The following MRC1 variants were observed in gnomAD, a reference collection of about 807,000 sequenced individuals.
MRC1 encodes the protein macrophage mannose receptor 1.
In MRC1, 62 loss-of-function variants were observed where a neutral mutation model predicts 102.9. The observed-to-expected ratio is 0.60, with a 90% CI of 0.49 to 0.74. The LOEUF (loss-of-function observed/expected upper bound fraction) is 0.74. MRC1 is among the 30% of genes least tolerant of loss of function. The pLI is 0.00. For missense variants in MRC1, 1,237 were observed against 862.8 expected (o/e 1.43, Z -5.43); for synonymous variants, 457 against 298.4 (o/e 1.53, Z -5.48).
intron 1 of MRC1, among the ~76,000 whole-genome samples, chr10:17,813,302 T>G (rs933375433): frequency 1.3e-4 from 20 of 152,186 alleles, no homozygotes; most frequent in Admixed American, 1.3e-3. Flanking sequence ...GGGATCCAAC[T>G]GTGGTTCTGA....
chr10:17,885,268 G>A lies in MRC1; in HGVS notation c.2981-1G>A, dbSNP rs1833575768. 1.0e-5 allele frequency: 8 copies of A among 780,556 alleles called. No individual in the cohort carries two copies. Among genetic ancestry groups the A allele is most frequent in the South Asian group, 8.0e-5 (6 of 74,596 alleles). The allele number at this position is 780,556 out of a possible 1,614,324, so 48.4% of individuals were successfully genotyped here. A position where few individuals can be genotyped will look rare whatever the true frequency, so the allele number is the denominator to read the frequency against. On this transcript the variant is annotated splice_acceptor_variant, in intron 21 of 29. Transcript: ENST00000569591. LOFTEE classifies it high-confidence loss of function. ...AATTATATCATGAAATTTTCTTTCA[G>A]CATTTCTTACCTATCACATGAAGGA...
chr10:17,880,508 A>G lies in MRC1; in HGVS notation c.2720-17A>G, dbSNP rs1554842350. 7 of 780,706 alleles carry G rather than the reference A, an allele frequency of 9.0e-6. No individual in the cohort carries two copies. Among genetic ancestry groups the G allele is most frequent in the Admixed American group, 3.4e-5 (2 of 59,004 alleles). The allele number at this position is 780,706 out of a possible 1,614,324, so 48.4% of individuals were successfully genotyped here. A position where few individuals can be genotyped will look rare whatever the true frequency, so the allele number is the denominator to read the frequency against. ...ATAAACATATGAATCTAATTTAACT[A>G]TTTCTCTCTTTGCCAGGGTTTTGGA... On this transcript the variant is annotated splice_polypyrimidine_tract_variant and intron_variant, in intron 19 of 29. Transcript: ENST00000569591.
intron 26 of MRC1, among the ~76,000 whole-genome samples, chr10:17,902,788 A>T (rs947407642): frequency 3.3e-5 from 5 of 152,226 alleles, no homozygotes; most frequent in Non-Finnish European, 7.4e-5. Context: ...TCTGAGTGAG[A>T]TGAAGTTTGC....
chr10:17,842,641 A>G (rs1838769039), intron 5 of MRC1, among the ~76,000 whole-genome samples: 1 of 152,218 alleles, frequency 6.6e-6, no homozygotes, highest in South Asian at 2.1e-4. Context: ...CCTCAATCAG[A>G]TTATTAGACA....
chr10:17,892,531 C>G (rs1402654403), intron 22 of MRC1, among the ~76,000 whole-genome samples: 2 of 152,202 alleles, frequency 1.3e-5, no homozygotes, highest in Non-Finnish European at 2.9e-5. Context: ...TGATGTTCAG[C>G]TTTTCTCGCC....
chr10:17,824,352 A>T (rs903315452), intron 2 of MRC1, among the ~76,000 whole-genome samples: 10 of 152,236 alleles, frequency 6.6e-5, no homozygotes, highest in African/African-American at 2.4e-4. Flanking sequence ...TCAAGGTCAG[A>T]GAAAGAGCCT....
intron 11 of MRC1, among the ~76,000 whole-genome samples, chr10:17,864,674 C>T (rs1833235977): frequency 6.6e-6 from 1 of 151,820 alleles, no homozygotes; most frequent in Non-Finnish European, 1.5e-5. Context: ...ACTAAAAATA[C>T]AAAAATTAGC....
At chr10:17,828,032 G>A (rs927531348) in intron 3 of MRC1, among the ~76,000 whole-genome samples, 11 of 152,154 alleles carry the variant, frequency 7.2e-5, no homozygotes, top group Non-Finnish European at 1.6e-4. Flanking sequence ...GGACTAGACT[G>A]TACCCCCATG....
chr10:17,908,456 G>C (rs1047343615), intron 28 of MRC1, among the ~76,000 whole-genome samples: 300 of 149,332 alleles, frequency 2.0e-3, no homozygotes, highest in African/African-American at 6.2e-3. Flanking sequence ...TGTATTTTTA[G>C]TAGAGACGGG....
chr10:17,819,565 G>T (rs1554838130), intron 1 of MRC1, among the ~76,000 whole-genome samples: 1 of 152,062 alleles, frequency 6.6e-6, no homozygotes, highest in African/African-American at 2.4e-5. Flanking sequence ...TCACACAATT[G>T]TGGAAGCTGG....
chr10:17,810,958 G>A (rs1274366424), intron 1 of MRC1, among the ~76,000 whole-genome samples: 2 of 152,110 alleles, frequency 1.3e-5, no homozygotes, highest in East Asian at 3.9e-4. Context: ...ATGCCCAGCT[G>A]ATTTTTGTAG....
chr10:17,845,999 TC>T (rs1302018182), intron 6 of MRC1, among the ~76,000 whole-genome samples: 14 of 152,216 alleles, frequency 9.2e-5, no homozygotes, highest in Admixed American at 9.2e-4. Flanking sequence ...AAACTTCGCC[TC>T]CTGGGTTCGT....
rs1030092812 is a variant in MRC1, at chr10:17,832,434, C to A, written c.638-1241C>A. Among the ~76,000 whole-genome samples, 916 of 148,570 alleles carry A rather than the reference C, an allele frequency of 6.2e-3. 36 individuals carry two copies. The highest frequency in any genetic ancestry group is 0.022 in the African/African-American group (858 of 39,654). ...GCCGGGCGTGGCGGCGTGTGCCTGTCGTCCCAGCTGCTGGGGAGGCTGAGG... is the reference window on the plus strand; with the variant it reads ...GCCGGGCGTGGCGGCGTGTGCCTGTAGTCCCAGCTGCTGGGGAGGCTGAGG... On this transcript the variant is annotated intron_variant, in intron 3 of 29. Coordinates refer to ENST00000569591, the MANE Select transcript of MRC1 (RefSeq NM_002438.4).
At chr10:17,852,268 C>T (rs1838928367) in intron 7 of MRC1, among the ~76,000 whole-genome samples, 1 of 152,082 alleles carries the variant, frequency 6.6e-6, no homozygotes, top group Admixed American at 6.5e-5. Flanking sequence ...TCGTTTTACC[C>T]TCATTTGTTA....
rs1398637634 is a variant in MRC1 at position 17,823,451 on chromosome 10, A to C, written c.439A>C (p.Asn147His). The change falls in exon 2 of 30, where the codon AAT (asparagine) becomes CAT (histidine). Residue 147 changes from asparagine (N) to histidine (H), a missense_variant. Coordinates refer to ENST00000569591, the MANE Select transcript of MRC1 (RefSeq NM_002438.4). ...SRWKIYGTTD[N>H]LCSRGYEAMY... ...GTGGAAGATCTATGGAACCACAGAC[A>C]ATCTGTGCTCCAGAGGTTATGAAGG... The C allele has an allele frequency of 1.3e-6, 1 of 780,738 alleles. No homozygotes were observed. The highest frequency in any genetic ancestry group is 2.4e-6 in the Non-Finnish European group (1 of 417,942). 48.4% of individuals were successfully genotyped at this position (780,738 alleles called of 1,614,324 possible).
At chr10:17,821,860 T>A (rs1401107882) in intron 1 of MRC1, among the ~76,000 whole-genome samples, 1 of 152,234 alleles carries the variant, frequency 6.6e-6, no homozygotes, top group Non-Finnish European at 1.5e-5. Context: ...CTCAAACATC[T>A]GCACTACTAC....
At chr10:17,847,719 A>G (rs1589175871) in intron 6 of MRC1, among the ~76,000 whole-genome samples, 1 of 152,210 alleles carries the variant, frequency 6.6e-6, no homozygotes, top group Non-Finnish European at 1.5e-5. Flanking sequence ...GGAACAAATC[A>G]TCTTCTGTGG....
At chr10:17,878,259 AG>A (rs2130686940) in intron 18 of MRC1, among the ~76,000 whole-genome samples, 1 of 152,334 alleles carries the variant, frequency 6.6e-6, no homozygotes, top group East Asian at 1.9e-4. Context: ...TTGTTGTTTT[AG>A]ACATATACAA....
At chr10:17,881,669 G>GTTTT in intron 21 of MRC1, among the ~76,000 whole-genome samples, 1 of 83,058 alleles carries the variant, frequency 1.2e-5, no homozygotes, top group East Asian at 3.5e-4. Context: ...AACAAATTTT[G>GTTTT]ATTTTTTTTT....
Sources: gnomAD v4.1 joint callset for allele counts (sites outside exome capture counted in the v4.1 genomes callset) on GRCh38, gnomAD v4.1.1 for gene constraint, MANE v1.5 for transcripts, NCBI Gene and HGNC (gene_info 2026-07-23, HGNC 2026-07-21) for gene names.